Variants in ARID3A observed in about 807,000 individuals in gnomAD.
The protein encoded by ARID3A is AT-rich interactive domain-containing protein 3A.
A neutral mutation model predicts 52.7 loss-of-function variants in ARID3A; 11 were observed. The observed-to-expected ratio is 0.21, with a 90% CI of 0.13 to 0.35. The LOEUF (loss-of-function observed/expected upper bound fraction) is 0.35, where lower values mean the gene tolerates loss of function less well. Among genes scored for constraint, ARID3A ranks in the 10% least tolerant of loss-of-function variants. The pLI is 1.00. For synonymous variants in ARID3A, 404 were observed against 359.4 expected, an observed-to-expected ratio of 1.12 and a Z score of -1.40; for missense variants, 721 against 838.5, an observed-to-expected ratio of 0.86 and a Z score of 1.73.
At chr19:952,980 G>A (rs1217672647) in intron 3 of ARID3A, among the ~76,000 whole-genome samples, 1 of 152,152 alleles carries the variant, frequency 6.6e-6, no homozygotes, top group Non-Finnish European at 1.5e-5. Context: ...GGGAGGGGCC[G>A]CATGTGCTGG....
intron 8 of ARID3A, among the ~76,000 whole-genome samples, chr19:970,666 G>GAT (rs2038259783): frequency 6.6e-6 from 1 of 151,888 alleles, no homozygotes; most frequent in Non-Finnish European, 1.5e-5. Context: ...GATGATACGG[G>GAT]GTTTCACCAT....
rs1481609997 is a variant in ARID3A at position 929,825 on chromosome 19, G to A, written c.297G>A (p.Pro99=). 1.5e-5 allele frequency: 23 copies of A among 1,544,986 alleles called. No homozygotes were observed. The Middle Eastern group carries it at 1.0e-3, about 68-fold the overall frequency. ...EEEDAAREGT[P]GSPGRGREGP... ...AGGACGCGGCCCGGGAGGGGACACC[G>A]GGCTCACCCGGGCGAGGCAGAGAAG... is the stretch of plus-strand genomic sequence containing the variant. Residue 99 remains proline (P), a synonymous_variant, in exon 2 of 9, where the codon CCG becomes CCA. Coordinates refer to ENST00000263620, the MANE Select transcript of ARID3A (RefSeq NM_005224.3). The surrounding 1 kb of genome is among the most constrained non-coding windows in gnomAD (Gnocchi z 6.2).
chr19:953,698 A>AGCGGGGT (rs1405770112), intron 3 of ARID3A, among the ~76,000 whole-genome samples: 1 of 151,916 alleles, frequency 6.6e-6, no homozygotes, highest in African/African-American at 2.4e-5. Flanking sequence ...GCAGGAGCCG[A>AGCGGGGT]GCGGGGACCC....
intron 3 of ARID3A, among the ~76,000 whole-genome samples, chr19:940,481 T>G (rs1568360200): frequency 6.6e-6 from 1 of 152,050 alleles, no homozygotes; most frequent in East Asian, 1.9e-4. Context: ...AGGACCCTTC[T>G]GGAGCCTGTT....
chr19:971,127 T>C (rs1388175100), intron 8 of ARID3A, among the ~76,000 whole-genome samples: 2 of 152,182 alleles, frequency 1.3e-5, no homozygotes, highest in Non-Finnish European at 1.5e-5. Context: ...ACGTGTGTGC[T>C]CACGTGCATC....
Position 939,121 on chromosome 19 carries a change from A to ATTTG in ARID3A, c.693+6382_693+6383insGTTT, listed in dbSNP as rs2037493988. On this transcript the variant is annotated intron_variant, in intron 3 of 8. Coordinates refer to ENST00000263620, the MANE Select transcript of ARID3A (RefSeq NM_005224.3). ...TATTTATTTATTTATTTATTTATTT[A>ATTTG]TTTATTATTATTATTTTAGACGGAG... Among the ~76,000 whole-genome samples the ATTTG allele has an allele frequency of 4.4e-5, 6 of 136,388 alleles. No homozygotes were observed. The South Asian group carries it at 1.4e-3, about 31-fold the overall frequency. 89.5% of individuals were successfully genotyped at this position (136,388 alleles called of 152,430 possible).
intron 1 of ARID3A, among the ~76,000 whole-genome samples, chr19:927,769 C>G (rs1290585917): frequency 6.6e-6 from 1 of 152,116 alleles, no homozygotes; most frequent in Non-Finnish European, 1.5e-5. Context: ...GCCAGGCTCT[C>G]CTGGTCACAA....
Position 964,984 on chromosome 19 carries a change from G to C in ARID3A, c.1102G>C (p.Gly368Arg), listed in dbSNP as rs143163296. Residue 368 changes from glycine (G) to arginine (R), a missense_variant, in exon 6 of 9, where the codon GGC becomes CGC. Gly to Arg is a moderately radical substitution (Grantham distance 125). Around this residue, in one of 5 missense-constraint regions of ARID3A, gnomAD observed 297 missense variants for 343.2 expected, o/e 0.87. Transcript: ENST00000263620. The surrounding 1 kb of genome is among the most constrained non-coding windows in gnomAD (Gnocchi z 5.7). ...LFAYSPGGAH[G>R]MLSSPKLPVS... The stretch of plus-strand genomic sequence containing the variant: ...TGCCTACTCGCCAGGCGGGGCACAC[G>C]GCATGCTCTCCTCACCCAAGCTACC... The C allele has an allele frequency of 6.2e-7, 1 of 1,613,632 alleles. No homozygotes were observed. Among genetic ancestry groups the C allele is most frequent in the African/African-American group, 1.3e-5 (1 of 74,882 alleles).
At position 972,752 on chromosome 19, in the gene ARID3A, A is replaced by G. The variant is rs888339286; in HGVS notation, c.*687A>G. 2 of 162,044 alleles carry G rather than the reference A, an allele frequency of 1.2e-5. No individual in the cohort carries two copies. The highest frequency in any genetic ancestry group is 5.8e-5 in the African/African-American group (2 of 34,492). 10.0% of individuals were successfully genotyped at this position (162,044 alleles called of 1,614,324 possible). A position where few individuals can be genotyped will look rare whatever the true frequency, so the allele number is the denominator to read the frequency against. ...TATCTATATATCTATATAGCTATAT[A>G]TTTGTGTTCCTTCAGGGAAACTGGT... is the stretch of plus-strand genomic sequence containing the variant. On this transcript the variant is annotated 3_prime_UTR_variant, in exon 9 of 9. Coordinates refer to ENST00000263620, the MANE Select transcript of ARID3A (RefSeq NM_005224.3).
intron 3 of ARID3A, among the ~76,000 whole-genome samples, chr19:957,431 G>A (rs903473342): frequency 6.6e-6 from 1 of 152,208 alleles, no homozygotes; most frequent in Admixed American, 6.5e-5. Context: ...GCCAGTTCTC[G>A]GAACAAATGC....
At chr19:962,964 G>T (rs1481407492) in intron 4 of ARID3A, among the ~76,000 whole-genome samples, 1 of 152,230 alleles carries the variant, frequency 6.6e-6, no homozygotes, top group African/African-American at 2.4e-5. Flanking sequence ...TGGGTTTCAG[G>T]TGGGATCGGG....
At position 929,657 on chromosome 19, in the gene ARID3A, C is replaced by T. The variant is rs749047092; in HGVS notation, c.129C>T (p.Pro43=). The T allele has an allele frequency of 9.5e-5, 147 of 1,542,522 alleles. No homozygotes were observed. The highest frequency in any genetic ancestry group is 9.0e-4 in the South Asian group (76 of 84,598). The part of the protein sequence containing the change: ...AAPPGRARAA[P]DEDREPESAR... ...CCCCCGGCCGGGCCCGGGCTGCCCCCGACGAGGACAGAGAGCCCGAGAGTG... is the reference window on the plus strand; with the variant it reads ...CCCCCGGCCGGGCCCGGGCTGCCCCTGACGAGGACAGAGAGCCCGAGAGTG... The change falls in exon 2 of 9, where the codon CCC becomes CCT. Residue 43 remains proline, a synonymous_variant. Coordinates refer to ENST00000263620, the MANE Select transcript of ARID3A (RefSeq NM_005224.3). The surrounding 1 kb of genome is among the most constrained non-coding windows in gnomAD (Gnocchi z 6.2).
At position 966,777 on chromosome 19, in the gene ARID3A, T is replaced by C; in HGVS notation, c.1404T>C (p.Asp468=). Residue 468 remains aspartate, a synonymous_variant, in exon 7 of 9, where the codon GAT becomes GAC. Transcript: ENST00000263620. ...PPEKKMALVA[D]EQQRLMQRAL... is the part of the protein sequence containing the mutation. ...AGAAGAAGATGGCCCTGGTGGCCGATGAGCAGCAACGGCTGATGCAACGTG... is the reference window on the plus strand; with the variant it reads ...AGAAGAAGATGGCCCTGGTGGCCGACGAGCAGCAACGGCTGATGCAACGTG... 1 of 1,613,616 alleles carries C rather than the reference T, an allele frequency of 6.2e-7. No individual in the cohort carries two copies. The highest frequency in any genetic ancestry group is 1.3e-5 in the African/African-American group (1 of 75,062).
Position 947,848 on chromosome 19 carries a change from CACTTCCCCA to C in ARID3A, c.694-12242_694-12234del, listed in dbSNP as rs1240681319. On this transcript the variant is annotated intron_variant, in intron 3 of 8. Coordinates refer to ENST00000263620, the MANE Select transcript of ARID3A (RefSeq NM_005224.3). The surrounding 1 kb of genome is among the most constrained non-coding windows in gnomAD (Gnocchi z 6.3). ...GCAGATGTTCGGCCCTGCCCAGAAT[CACTTCCCCA>C]ATTTCCCCACGCCCGGCGGGGCTCT... Among the ~76,000 whole-genome samples the C allele has an allele frequency of 6.6e-6, 1 of 152,250 alleles. No individual in the cohort carries two copies. Among genetic ancestry groups the C allele is most frequent in the Non-Finnish European group, 1.5e-5 (1 of 68,042 alleles).
rs1216567634 is a variant in ARID3A at position 960,580 on chromosome 19, AG to A, written c.766+417del. Reference sequence around the variant, plus strand: ...GTGGGTGCAGGTGCGGCAGGACAGAAGCCCCCCGCCCGGCCGCGAGATGGCT... The same window carrying A: ...GTGGGTGCAGGTGCGGCAGGACAGAACCCCCCGCCCGGCCGCGAGATGGCT... On this transcript the variant is annotated intron_variant, in intron 4 of 8. Transcript: ENST00000263620. The surrounding 1 kb of genome is among the most constrained non-coding windows in gnomAD (Gnocchi z 4.3). Among the ~76,000 whole-genome samples the A allele has an allele frequency of 6.6e-6, 1 of 152,024 alleles. No individual in the cohort carries two copies. The highest frequency in any genetic ancestry group is 1.5e-5 in the Non-Finnish European group (1 of 67,968).
At position 974,955 on chromosome 19, in the gene ARID3A, A is replaced by G. The variant is rs989599570; in HGVS notation, c.*2890A>G. On this transcript the variant is annotated 3_prime_UTR_variant, in exon 9 of 9. Transcript: ENST00000263620. ...TGGCCATGCTGGCCGTGGAAATGGGAGGCGGTTGCAGAGGGTCTATGGGGC... is the reference window on the plus strand; with the variant it reads ...TGGCCATGCTGGCCGTGGAAATGGGGGGCGGTTGCAGAGGGTCTATGGGGC... 2.6e-5 allele frequency: 6 copies of G among 230,088 alleles called. No individual in the cohort carries two copies. The highest frequency in any genetic ancestry group is 1.1e-4 in the African/African-American group (5 of 44,936). The allele number at this position is 230,088 out of a possible 1,614,324, so 14.3% of individuals were successfully genotyped here.
Position 932,741 on chromosome 19 carries a change from A to G in ARID3A, c.692A>G (p.Gln231Arg). The G allele has an allele frequency of 6.5e-7, 1 of 1,546,962 alleles. No individual in the cohort carries two copies. ...GDWTYEEQFK[Q>R]LYELDGDPKR... ...TGGACTTACGAGGAGCAGTTTAAGCAGGTGAGTGGGCGCGTCCCGCGTGGC... is the reference window on the plus strand; with the variant it reads ...TGGACTTACGAGGAGCAGTTTAAGCGGGTGAGTGGGCGCGTCCCGCGTGGC... The change falls in exon 3 of 9, where the codon CAG (glutamine) becomes CGG (arginine). Residue 231 changes from glutamine to arginine, a missense_variant and splice_region_variant. Gln to Arg is a conservative substitution (Grantham distance 43). Around this residue, in one of 5 missense-constraint regions of ARID3A, gnomAD observed 27 missense variants for 35.7 expected, o/e 0.76. Coordinates refer to ENST00000263620, the MANE Select transcript of ARID3A (RefSeq NM_005224.3).
rs1028093750 is a variant in ARID3A, at chr19:972,913, A to C, written c.*848A>C. 1.0e-5 allele frequency: 2 copies of C among 191,538 alleles called. No individual in the cohort carries two copies. The highest frequency in any genetic ancestry group is 6.3e-5 in the Admixed American group (1 of 15,870). 11.9% of individuals were successfully genotyped at this position (191,538 alleles called of 1,614,324 possible). A position where few individuals can be genotyped will look rare whatever the true frequency, so the allele number is the denominator to read the frequency against. On this transcript the variant is annotated 3_prime_UTR_variant, in exon 9 of 9. Transcript: ENST00000263620. Reference sequence around the variant, plus strand: ...TGCGTTGGGCAGCTGTGAGCCCAGCACATCGGATCCCTGGGGCTAGAGCCG... The same window carrying C: ...TGCGTTGGGCAGCTGTGAGCCCAGCCCATCGGATCCCTGGGGCTAGAGCCG...
At position 947,980 on chromosome 19, in the gene ARID3A, C is replaced by T. The variant is rs1472786530; in HGVS notation, c.694-12112C>T. ...GGAGCCCCCCGGCTGGTCAGGTGCA[C>T]GAGGAGCAACCCATGGCCAGGCAGA... is the stretch of plus-strand genomic sequence containing the variant. On this transcript the variant is annotated intron_variant, in intron 3 of 8. Coordinates refer to ENST00000263620, the MANE Select transcript of ARID3A (RefSeq NM_005224.3). The surrounding 1 kb of genome is among the most constrained non-coding windows in gnomAD (Gnocchi z 6.3). Among the ~76,000 whole-genome samples the T allele has an allele frequency of 1.3e-5, 2 of 152,168 alleles. No individual in the cohort carries two copies. Among genetic ancestry groups the T allele is most frequent in the African/African-American group, 2.4e-5 (1 of 41,456 alleles).
Sources: allele counts gnomAD v4.1 joint callset (sites outside exome capture counted in the v4.1 genomes callset), GRCh38; gene constraint gnomAD v4.1.1; regional missense constraint gnomAD v4.1.1; non-coding constraint Gnocchi (gnomAD v3.1); transcripts MANE v1.5; gene names NCBI Gene and HGNC (gene_info 2026-07-23, HGNC 2026-07-21).